SNX14: variants seen among roughly 807,000 people sequenced by gnomAD.
The protein encoded by SNX14 is sorting nexin-14.
Under a neutral mutation model 133.8 loss-of-function variants are expected in SNX14, and 93 were observed. That is an observed-to-expected ratio of 0.70 (90% confidence interval 0.59 to 0.83). The LOEUF is 0.83. SNX14 is among the 40% of genes least tolerant of loss of function. The pLI is 0.00. For synonymous variants in SNX14, 368 were observed against 365.6 expected (o/e 1.01, Z -0.07); for missense variants, 945 against 1,094.9 (o/e 0.86, Z 1.93).
chr6:85,555,112 T>C (rs960388621), intron 7 of SNX14, among the ~76,000 whole-genome samples: 3 of 152,120 alleles, frequency 2.0e-5, no homozygotes, highest in Non-Finnish European at 2.9e-5. Flanking sequence ...GTGATATATA[T>C]ACAACGTCAC....
chr6:85,539,882 G>C (rs190494790), intron 15 of SNX14, among the ~76,000 whole-genome samples: 1 of 151,282 alleles, frequency 6.6e-6, no homozygotes, highest in South Asian at 2.1e-4. Flanking sequence ...AGCCAAGAAG[G>C]CTTTTCATCT....
At chr6:85,593,505 G>A (rs2128256560) in intron 1 of SNX14, 74 bp downstream of exon 1, 9 of 1,518,578 alleles carry the variant, frequency 5.9e-6, no homozygotes, top group East Asian at 2.4e-5. Flanking sequence ...GCCTCCGCAC[G>A]GTTAAGCAGC....
intron 1 of SNX14, among the ~76,000 whole-genome samples, chr6:85,582,148 A>G (rs1358883740): frequency 6.6e-6 from 1 of 152,208 alleles, no homozygotes; most frequent in Non-Finnish European, 1.5e-5. Flanking sequence ...ATCTGGCACC[A>G]GATTTTTCAG....
chr6:85,563,928 C>A (rs1390418579), intron 6 of SNX14, among the ~76,000 whole-genome samples: 1 of 152,084 alleles, frequency 6.6e-6, no homozygotes, highest in Non-Finnish European at 1.5e-5. Context: ...CCCCTTCCCC[C>A]ACCCCATGAC....
chr6:85,513,523 C>A (rs1194008031), intron 26 of SNX14, among the ~76,000 whole-genome samples: 1 of 152,144 alleles, frequency 6.6e-6, no homozygotes, highest in Non-Finnish European at 1.5e-5. Context: ...TTCAATTGTC[C>A]CACATGTCAC....
chr6:85,570,621 G>A (rs962474048), intron 4 of SNX14, among the ~76,000 whole-genome samples: 11 of 152,238 alleles, frequency 7.2e-5, no homozygotes, highest in African/African-American at 2.6e-4. Flanking sequence ...TTGGGAGGTC[G>A]AGGCAGGTGG....
chr6:85,562,778 G>A (rs1333143666), intron 6 of SNX14, among the ~76,000 whole-genome samples: 1 of 151,878 alleles, frequency 6.6e-6, no homozygotes, highest in Admixed American at 6.6e-5. Flanking sequence ...TTTTAGTAGA[G>A]ATGAGGTTTC....
intron 5 of SNX14, 130 bp downstream of exon 5, chr6:85,567,404 A>ATTTG: frequency 3.0e-6 from 2 of 670,258 alleles, no homozygotes; most frequent in Non-Finnish European, 5.0e-6. Context: ...ACAAATAATT[A>ATTTG]TTTTGGCTAA....
rs142895337 is a variant in SNX14, at chr6:85,506,732, G to T, written c.2802+501C>A. 1.4e-3 allele frequency among the ~76,000 whole-genome samples: 210 copies of T among 152,212 alleles called. 2 individuals carry two copies. The highest frequency in any genetic ancestry group is 4.3e-3 in the African/African-American group (179 of 41,554). ...AACAGTTGTTTCATCCAACCAAAAG[G>T]ATTAGTCAAAAAATAAGACAGAAAA... On this transcript the variant is annotated intron_variant, in intron 28 of 28. Coordinates refer to ENST00000314673, the MANE Select transcript of SNX14 (RefSeq NM_153816.6).
intron 26 of SNX14, 164 bp from the exon 27 acceptor site, chr6:85,508,223 G>A: frequency 7.8e-7 from 1 of 1,287,796 alleles, no homozygotes; most frequent in Non-Finnish European, 9.8e-7. Context: ...TGGATAAGAG[G>A]TTTCTATGGT....
chr6:85,584,081 C>A (rs1240844268), intron 1 of SNX14, among the ~76,000 whole-genome samples: 3 of 152,148 alleles, frequency 2.0e-5, no homozygotes, highest in Non-Finnish European at 4.4e-5. Flanking sequence ...ACAGAAGCCT[C>A]AGAAATAACA....
chr6:85,539,128 G>T lies in SNX14; in HGVS notation c.1449-264C>A, dbSNP rs79332172. On this transcript the variant is annotated intron_variant, in intron 15 of 28. Transcript: ENST00000314673. Reference sequence around the variant, plus strand: ...AAAAATTAAATATGTTTTCTCTTGGGTGACATGGAAAAAAATTAAATATAT... The same window carrying T: ...AAAAATTAAATATGTTTTCTCTTGGTTGACATGGAAAAAAATTAAATATAT... Among the ~76,000 whole-genome samples the T allele has an allele frequency of 0.01, 1,562 of 152,156 alleles. 24 individuals carry two copies. The highest frequency in any genetic ancestry group is 0.035 in the African/African-American group (1,450 of 41,532).
intron 18 of SNX14, among the ~76,000 whole-genome samples, chr6:85,533,044 G>C (rs945682266): frequency 2.0e-5 from 3 of 152,194 alleles, no homozygotes; most frequent in Admixed American, 6.5e-5. Context: ...GCACCAAGAC[G>C]TGTGGCTAAT....
chr6:85,521,670 A>C (rs1038824716), intron 21 of SNX14, among the ~76,000 whole-genome samples: 24 of 152,102 alleles, frequency 1.6e-4, no homozygotes, highest in African/African-American at 5.1e-4. Context: ...AGATTGGTGC[A>C]AAAGAGAGAT....
chr6:85,546,965 CAAAAAAAAAAAA>C, intron 12 of SNX14, 135 bp downstream of exon 12: 1 of 388,102 alleles, frequency 2.6e-6, no homozygotes, highest in South Asian at 3.7e-5. Context: ...CCGCCTCAAA[CAAAAAAAAAAAA>C]AAAAAAAGGA....
At chr6:85,548,482 T>C (rs1394385225) in intron 8 of SNX14, 106 bp from the exon 9 acceptor site, 1 of 833,168 alleles carries the variant, frequency 1.2e-6, no homozygotes. Flanking sequence ...ATGGAGACTA[T>C]AATTCAGTAG....
chr6:85,547,693 A>T, intron 9 of SNX14, 143 bp from the exon 10 acceptor site: 1 of 633,838 alleles, frequency 1.6e-6, no homozygotes, highest in South Asian at 2.7e-5. Flanking sequence ...GCACATATGT[A>T]TTACAGCAGG....
intron 28 of SNX14, among the ~76,000 whole-genome samples, chr6:85,506,857 A>G (rs919394776): frequency 1.6e-4 from 24 of 152,232 alleles, no homozygotes; most frequent in Admixed American, 1.1e-3. Flanking sequence ...GCTTGGGTTT[A>G]CATAAAACTT....
chr6:85,528,768 CAA>C (rs1202831413), intron 19 of SNX14, among the ~76,000 whole-genome samples: 2 of 152,082 alleles, frequency 1.3e-5, no homozygotes. Flanking sequence ...CTTAAAATCA[CAA>C]TGTAGGCTGG....
Sources: gnomAD v4.1 joint callset for allele counts (sites outside exome capture counted in the v4.1 genomes callset) on GRCh38, gnomAD v4.1.1 for gene constraint, MANE v1.5 for transcripts, NCBI Gene and HGNC (gene_info 2026-07-23, HGNC 2026-07-21) for gene names.